The following EMSY variants were observed in gnomAD, a reference collection of about 807,000 sequenced individuals.
EMSY encodes the protein EMSY transcriptional repressor, BRCA2 interacting, also known as BRCA2-interacting transcriptional repressor EMSY.
EMSY carries 26 observed loss-of-function variants against 134.6 expected under a neutral mutation model. The ratio of observed to expected loss-of-function variants is 0.19; its 90% CI spans 0.14 to 0.27. The LOEUF is 0.27. Ranked by LOEUF, EMSY falls within the 10% of genes least tolerant of loss-of-function variation. EMSY has a pLI of 1.00. For synonymous variants in EMSY, 579 were observed against 577.8 expected (o/e 1.00, Z -0.03); for missense variants, 1,305 against 1,611.4 (o/e 0.81, Z 3.26).
intron 12 of EMSY, among the ~76,000 whole-genome samples, chr11:76,523,700 C>CTTTGTTTTTTT (rs1491439676): frequency 1.6e-5 from 1 of 63,748 alleles, no homozygotes; most frequent in African/African-American, 7.2e-5. Context: ...GGATTTGTTA[C>CTTTGTTTTTTT]TTTCTTTTTT....
chr11:76,508,547 A>G (rs1217436268), intron 9 of EMSY, among the ~76,000 whole-genome samples: 2 of 152,204 alleles, frequency 1.3e-5, no homozygotes, highest in Non-Finnish European at 2.9e-5. Context: ...CAGCAACTGC[A>G]TTAGTCCCTA....
chr11:76,456,186 T>G (rs1280312898), intron 4 of EMSY, among the ~76,000 whole-genome samples: 1 of 152,198 alleles, frequency 6.6e-6, no homozygotes, highest in Non-Finnish European at 1.5e-5. Context: ...GTGTAACTAA[T>G]GCATATTTAC....
intron 8 of EMSY, among the ~76,000 whole-genome samples, chr11:76,483,126 C>G (rs1949046816): frequency 6.6e-6 from 1 of 152,116 alleles, no homozygotes; most frequent in South Asian, 2.1e-4. Flanking sequence ...GAATTTTCAA[C>G]CCAGAATTTC....
chr11:76,543,550 G>A (rs550568186), intron 18 of EMSY, among the ~76,000 whole-genome samples: 8 of 152,248 alleles, frequency 5.3e-5, no homozygotes, highest in East Asian at 3.9e-4. Flanking sequence ...GGCCCTAACC[G>A]TGTCACTCAA....
In EMSY at chr11:76,501,125, G is replaced by A. The variant is rs539134556; in HGVS notation, c.1363+4656G>A. On this transcript the variant is annotated intron_variant, in intron 9 of 20. Coordinates refer to ENST00000334736, the Ensembl canonical transcript of EMSY. ...GTTATACTATATTGTTTCTGTACTT[G>A]TATTATTTTTTACTGTTGTATTATT... 2.0e-5 allele frequency among the ~76,000 whole-genome samples: 3 copies of A among 152,154 alleles called. No individual in the cohort carries two copies. In the East Asian group the frequency reaches 5.8e-4, roughly 29 times the overall value.
At chr11:76,506,317 C>T (rs1418960805) in intron 9 of EMSY, among the ~76,000 whole-genome samples, 1 of 152,010 alleles carries the variant, frequency 6.6e-6, no homozygotes, top group African/African-American at 2.4e-5. Flanking sequence ...AGTTTAAATT[C>T]CAAAAGACTT....
chr11:76,526,501 C>A (rs2136334996), exon 13 of EMSY: 1 of 1,612,980 alleles, frequency 6.2e-7, no homozygotes. Flanking sequence ...AGGAGCAAAG[C>A]CAGCTATCCT....
chr11:76,541,593 C>CTT (rs1565363354), intron 17 of EMSY, among the ~76,000 whole-genome samples: 1 of 152,176 alleles, frequency 6.6e-6, no homozygotes, highest in African/African-American at 2.4e-5. Context: ...TTCAAATTCA[C>CTT]TTGGCTGTTT....
At chr11:76,493,015 C>T (rs904867037) in intron 8 of EMSY, among the ~76,000 whole-genome samples, 2 of 152,112 alleles carry the variant, frequency 1.3e-5, no homozygotes, top group Non-Finnish European at 2.9e-5. Context: ...TGTGGGTCTC[C>T]TCCCCACGCA....
intron 18 of EMSY, among the ~76,000 whole-genome samples, chr11:76,544,024 T>A (rs1215589024): frequency 6.6e-6 from 1 of 152,216 alleles, no homozygotes; most frequent in Admixed American, 6.5e-5. Flanking sequence ...AATCTGTAAG[T>A]TCTGGACCCT....
At chr11:76,509,658 T>C (rs1950204497) in intron 9 of EMSY, among the ~76,000 whole-genome samples, 1 of 152,070 alleles carries the variant, frequency 6.6e-6, no homozygotes, top group South Asian at 2.1e-4. Flanking sequence ...CTAAGATACA[T>C]TGTTAAAGGT....
intron 12 of EMSY, among the ~76,000 whole-genome samples, chr11:76,523,745 TG>T (rs1950741057): frequency 6.8e-6 from 1 of 148,018 alleles, no homozygotes; most frequent in South Asian, 2.1e-4. Flanking sequence ...CTCTTTGAGC[TG>T]TTAAAAAATA....
intron 8 of EMSY, among the ~76,000 whole-genome samples, chr11:76,475,864 C>T (rs1202773494): frequency 2.0e-5 from 3 of 152,098 alleles, no homozygotes; most frequent in South Asian, 2.1e-4. Flanking sequence ...CTGGTTGTGC[C>T]TGTAGGGATA....
chr11:76,489,796 C>T (rs369321237), intron 8 of EMSY, among the ~76,000 whole-genome samples: 7 of 152,014 alleles, frequency 4.6e-5, no homozygotes, highest in South Asian at 2.1e-4. Context: ...GTAGAGTCAG[C>T]GTCTCACCAT....
intron 9 of EMSY, among the ~76,000 whole-genome samples, chr11:76,501,952 A>G (rs1000575092): frequency 3.3e-5 from 5 of 151,306 alleles, no homozygotes; most frequent in Non-Finnish European, 7.4e-5. Context: ...ACAACATATC[A>G]CTTACAAGGA....
chr11:76,454,831 AT>A, intron 4 of EMSY, 41 bp downstream of exon 5: 1 of 1,348,822 alleles, frequency 7.4e-7, no homozygotes, highest in Non-Finnish European at 1.0e-6. Context: ...TTTTTCTTGT[AT>A]TTATTTCCAA....
intron 9 of EMSY, among the ~76,000 whole-genome samples, chr11:76,502,306 A>C (rs1050587625): frequency 2.0e-5 from 3 of 149,050 alleles, no homozygotes; most frequent in Admixed American, 2.0e-4. Flanking sequence ...AAAAAAAAAA[A>C]AAAAAGCATC....
At chr11:76,544,146 G>A in intron 18 of EMSY, 113 bp from the exon 20 acceptor site, 1 of 1,124,016 alleles carries the variant, frequency 8.9e-7, no homozygotes, top group Non-Finnish European at 1.2e-6. Context: ...GCCTTTCTAG[G>A]TTCTTCTGAA....
exon 20 of EMSY, chr11:76,545,854 C>T (rs774697937): frequency 2.8e-5 from 45 of 1,613,782 alleles, no homozygotes; most frequent in Non-Finnish European, 6.8e-6. Context: ...TTTTGAGGGG[C>T]GCCAGCCTCC....
Sources: allele counts gnomAD v4.1 joint callset (sites outside exome capture counted in the v4.1 genomes callset), GRCh38; gene constraint gnomAD v4.1.1; transcripts MANE v1.5; gene names NCBI Gene and HGNC (gene_info 2026-07-23, HGNC 2026-07-21).